Variants in XPO4 observed in about 807,000 individuals in gnomAD.
The protein encoded by XPO4 is exportin 4.
XPO4 carries 39 observed loss-of-function variants against 143.0 expected under a neutral mutation model. That is an observed-to-expected ratio of 0.27 (90% CI 0.21 to 0.36). XPO4 has a LOEUF of 0.36. Among genes scored for constraint, XPO4 ranks in the 10% least tolerant of loss-of-function variants. The probability of loss-of-function intolerance (pLI) is 1.00; values close to 1 mark genes in which losing one functional copy is unlikely to be tolerated. For synonymous variants in XPO4, 439 were observed against 474.0 expected (o/e 0.93, Z 0.96); for missense variants, 907 against 1,348.0 (o/e 0.67, Z 5.12).
intron 3 of XPO4, among the ~76,000 whole-genome samples, chr13:20,860,747 G>A (rs769424573): frequency 6.6e-6 from 1 of 152,134 alleles, no homozygotes; most frequent in South Asian, 2.1e-4. Context: ...AATCCAGCAT[G>A]ACAGAGAAAA....
chr13:20,780,413 T>G lies in XPO4; in HGVS notation c.*3309A>C, dbSNP rs541465650. On this transcript the variant is annotated 3_prime_UTR_variant, in exon 23 of 23. Coordinates refer to ENST00000255305, the MANE Select transcript of XPO4 (RefSeq NM_022459.5). Reference sequence around the variant, plus strand: ...ATACTTTAGGGGTTCATAGAAGTATTAACAGAAATGGGAAACATGGTGATA... The same window carrying G: ...ATACTTTAGGGGTTCATAGAAGTATGAACAGAAATGGGAAACATGGTGATA... 7.2e-5 allele frequency: 11 copies of G among 152,286 alleles called. No homozygotes were observed. Among genetic ancestry groups the G allele is most frequent in the African/African-American group, 2.4e-4 (10 of 41,548 alleles). The allele number at this position is 152,286 out of a possible 1,614,324, so 9.4% of individuals were successfully genotyped here.
intron 19 of XPO4, among the ~76,000 whole-genome samples, chr13:20,788,905 A>T (rs1218706940): frequency 6.6e-6 from 1 of 152,226 alleles, no homozygotes; most frequent in Non-Finnish European, 1.5e-5. Flanking sequence ...TACCCGGAAA[A>T]AGTAAACAAG....
At chr13:20,890,445 G>T (rs2060501048) in intron 1 of XPO4, among the ~76,000 whole-genome samples, 1 of 149,734 alleles carries the variant, frequency 6.7e-6, no homozygotes, top group African/African-American at 2.5e-5. Flanking sequence ...GCAAGACTCT[G>T]TCTAAAAAAA....
intron 1 of XPO4, among the ~76,000 whole-genome samples, chr13:20,901,212 T>TA (rs2060617514): frequency 6.6e-6 from 1 of 152,230 alleles, no homozygotes; most frequent in Admixed American, 6.5e-5. Flanking sequence ...AAACGGTACT[T>TA]ACTACTATTC....
At chr13:20,827,976 G>A (rs905850966) in intron 6 of XPO4, among the ~76,000 whole-genome samples, 3 of 152,146 alleles carry the variant, frequency 2.0e-5, no homozygotes, top group Non-Finnish European at 2.9e-5. Context: ...GGTGGCTCAC[G>A]CCTGTAATCT....
At chr13:20,815,860 C>A (rs2059643336) in intron 9 of XPO4, among the ~76,000 whole-genome samples, 1 of 152,010 alleles carries the variant, frequency 6.6e-6, no homozygotes, top group Non-Finnish European at 1.5e-5. Context: ...AAAAAAGTGC[C>A]CAAAACACTG....
At chr13:20,792,217 G>A (rs1461083713) in intron 18 of XPO4, among the ~76,000 whole-genome samples, 8 of 152,222 alleles carry the variant, frequency 5.3e-5, no homozygotes, top group Admixed American at 6.5e-5. Flanking sequence ...AGGCTGAGGT[G>A]GGCAGATCCC....
At chr13:20,854,202 T>C (rs1465425089) in intron 4 of XPO4, among the ~76,000 whole-genome samples, 2 of 152,194 alleles carry the variant, frequency 1.3e-5, no homozygotes, top group Admixed American at 1.3e-4. Context: ...AAAGTCCTGA[T>C]CAGCTTGCTT....
At chr13:20,884,498 C>T (rs376187762) in intron 1 of XPO4, among the ~76,000 whole-genome samples, 1 of 152,298 alleles carries the variant, frequency 6.6e-6, no homozygotes, top group South Asian at 2.1e-4. Flanking sequence ...CAGCATCAAC[C>T]TCCCAGGCTC....
intron 4 of XPO4, chr13:20,848,907 C>T (rs1289020277): frequency 7.1e-6 from 7 of 985,212 alleles, no homozygotes; most frequent in Non-Finnish European, 8.4e-6. Flanking sequence ...CATTGAAGTA[C>T]TGAAAATTCA....
At chr13:20,799,140 C>T (rs906213988) in intron 16 of XPO4, 25 bp downstream of exon 16, 3 of 1,538,490 alleles carry the variant, frequency 1.9e-6, no homozygotes, top group African/African-American at 2.7e-5. Flanking sequence ...CAAAAGGGTG[C>T]AATCAAAATA....
intron 15 of XPO4, among the ~76,000 whole-genome samples, chr13:20,799,568 A>G (rs1478569737): frequency 6.6e-6 from 1 of 152,168 alleles, no homozygotes; most frequent in Non-Finnish European, 1.5e-5. Flanking sequence ...TCACTTCTCT[A>G]TAATCTGCAA....
In XPO4 at chr13:20,874,196, A is replaced by T. The variant is rs7338675; in HGVS notation, c.70-5495T>A. Among the ~76,000 whole-genome samples the T allele has an allele frequency of 3.3e-5, 5 of 152,138 alleles. No homozygotes were observed. In the South Asian group the frequency reaches 1.0e-3, roughly 32 times the overall value. ...GAATAATATTCTTGGCTTACTATAC[A>T]TATCATTTATAGGACCATTAAAAAA... On this transcript the variant is annotated intron_variant, in intron 1 of 22. Coordinates refer to ENST00000255305, the MANE Select transcript of XPO4 (RefSeq NM_022459.5).
chr13:20,865,652 C>T (rs2060238623), intron 2 of XPO4: 2 of 921,972 alleles, frequency 2.2e-6, no homozygotes, highest in African/African-American at 1.8e-5. Context: ...GTTAATAATA[C>T]AGGAAAAGCA....
rs1454704173 is a variant in XPO4, at chr13:20,822,230, G to C, written c.900C>G (p.Ala300=). The change falls in exon 8 of 23, where the codon GCC becomes GCG. Residue 300 remains alanine (A), a synonymous_variant. Transcript: ENST00000255305. The part of the protein sequence containing the change: ...DMAQDSLQCL[A]QLASLHGPIF... ...TGGGTCCATGAAGAGAAGCTAACTG[G>C]GCAAGGCACTGCAGAGAATCTTGTG... 2 of 1,613,890 alleles carry C rather than the reference G, an allele frequency of 1.2e-6. No homozygotes were observed. Among genetic ancestry groups the C allele is most frequent in the South Asian group, 2.2e-5 (2 of 91,066 alleles).
chr13:20,786,393 A>C (rs1282061343), intron 22 of XPO4, among the ~76,000 whole-genome samples: 2 of 151,814 alleles, frequency 1.3e-5, no homozygotes, highest in Non-Finnish European at 2.9e-5. Flanking sequence ...CAGAGGCAGC[A>C]AACTGTTCAA....
At chr13:20,869,636 A>C (rs1449371203) in intron 1 of XPO4, 10 of 764,070 alleles carry the variant, frequency 1.3e-5, no homozygotes, top group Non-Finnish European at 1.6e-5. Flanking sequence ...AACATTAGTC[A>C]CTAATTTCAG....
rs555814824 is a variant in XPO4, at chr13:20,896,010, G to A, written c.69+6660C>T. ...TGAATAAATGGCCAGAAGTGAAATA[G>A]CTGGGGGTCAGCTATATATTGAAGG... On this transcript the variant is annotated intron_variant, in intron 1 of 22. Coordinates refer to ENST00000255305, the MANE Select transcript of XPO4 (RefSeq NM_022459.5). Among the ~76,000 whole-genome samples the A allele has an allele frequency of 7.9e-4, 120 of 152,278 alleles. 1 individual carries two copies. The highest frequency in any genetic ancestry group is 2.9e-3 in the African/African-American group (119 of 41,568).
chr13:20,800,069 C>T, intron 15 of XPO4, 87 bp downstream of exon 15: 1 of 1,445,782 alleles, frequency 6.9e-7, no homozygotes, highest in East Asian at 2.3e-5. Context: ...TAACCATTTG[C>T]CAGTTCAAAG....
Sources: allele counts gnomAD v4.1 joint callset (sites outside exome capture counted in the v4.1 genomes callset), GRCh38; gene constraint gnomAD v4.1.1; transcripts MANE v1.5; gene names NCBI Gene and HGNC (gene_info 2026-07-23, HGNC 2026-07-21).